The following EEF1G variants were observed in gnomAD, a reference collection of about 807,000 sequenced individuals.
EEF1G encodes eukaryotic translation elongation factor 1 gamma.
Under a neutral mutation model 58.3 loss-of-function variants are expected in EEF1G, and 14 were observed. That is an observed-to-expected ratio of 0.24 (90% CI 0.16 to 0.38). The LOEUF (loss-of-function observed/expected upper bound fraction) is 0.38, where lower values mean the gene tolerates loss of function less well. EEF1G is among the 10% of genes least tolerant of loss of function. The probability of loss-of-function intolerance (pLI) is 1.00; values close to 1 mark genes in which losing one functional copy is unlikely to be tolerated. For synonymous variants in EEF1G, 180 were observed against 206.8 expected, an observed-to-expected ratio of 0.87 and a Z score of 1.11; for missense variants, 322 against 550.1, an observed-to-expected ratio of 0.59 and a Z score of 4.15.
chr11:62,572,546 T>C (rs1255784592), intron 2 of EEF1G, 38 bp downstream of exon 2: 2 of 1,609,950 alleles, frequency 1.2e-6, no homozygotes, highest in Admixed American at 3.3e-5. Flanking sequence ...GGCCTTGGTT[T>C]CTCAGAACCG....
chr11:62,560,888 A>G (rs529150645), intron 7 of EEF1G, among the ~76,000 whole-genome samples: 2 of 152,260 alleles, frequency 1.3e-5, no homozygotes, highest in East Asian at 3.9e-4. Flanking sequence ...AGCAGTGAAC[A>G]TTCTCAAAGG....
chr11:62,562,911 G>A (rs1478915591), intron 7 of EEF1G, among the ~76,000 whole-genome samples: 1 of 151,960 alleles, frequency 6.6e-6, no homozygotes, highest in East Asian at 2.0e-4. Context: ...CTTTCAGCCT[G>A]GGAAATATAG....
At chr11:62,567,592 A>G in intron 5 of EEF1G, 64 bp from the exon 6 acceptor site, 1 of 1,470,440 alleles carries the variant, frequency 6.8e-7, no homozygotes, top group Non-Finnish European at 9.0e-7. Context: ...TGTTCACAGC[A>G]AGAGTCCTTG....
chr11:62,565,927 G>A (rs1331526790), intron 7 of EEF1G, among the ~76,000 whole-genome samples: 1 of 152,182 alleles, frequency 6.6e-6, no homozygotes, highest in Admixed American at 6.5e-5. Context: ...GCCATTACAA[G>A]ATGGGAGAGG....
intron 8 of EEF1G, 26 bp downstream of exon 8, chr11:62,560,256 C>T: frequency 6.2e-7 from 1 of 1,613,938 alleles, no homozygotes; most frequent in East Asian, 2.2e-5. Flanking sequence ...CCTTGTTCTC[C>T]TTCCTTCTCA....
At chr11:62,561,692 AAAAAC>A (rs1366146206) in intron 7 of EEF1G, among the ~76,000 whole-genome samples, 14 of 151,420 alleles carry the variant, frequency 9.2e-5, no homozygotes, top group African/African-American at 3.4e-4. Flanking sequence ...CAAAAAAAAA[AAAAAC>A]AACCAAAAAA....
At chr11:62,570,342 G>T (rs550665911) in intron 5 of EEF1G, among the ~76,000 whole-genome samples, 31 of 152,238 alleles carry the variant, frequency 2.0e-4, no homozygotes, top group African/African-American at 7.2e-4. Context: ...GATTATAGGT[G>T]TTAGACACAG....
chr11:62,569,823 T>A (rs954139141), intron 5 of EEF1G, among the ~76,000 whole-genome samples: 1 of 152,068 alleles, frequency 6.6e-6, no homozygotes, highest in Non-Finnish European at 1.5e-5. Flanking sequence ...TCTTTTGCTA[T>A]GATCACATTA....
chr11:62,562,730 C>T (rs1358402039), intron 7 of EEF1G, among the ~76,000 whole-genome samples: 2 of 152,064 alleles, frequency 1.3e-5, no homozygotes, highest in African/African-American at 2.4e-5. Context: ...CCGCCCGCCT[C>T]GGCCTCCCAA....
At chr11:62,573,560 C>G in intron 1 of EEF1G, 1 of 575,410 alleles carries the variant, frequency 1.7e-6, no homozygotes. Flanking sequence ...AAAGCGGCAA[C>G]AGAGCCGAAC....
At chr11:62,572,464 G>A (rs1196881196) in intron 2 of EEF1G, 120 bp downstream of exon 2, 4 of 1,334,696 alleles carry the variant, frequency 3.0e-6, no homozygotes, top group East Asian at 4.7e-5. Flanking sequence ...TAAAATCACC[G>A]AAATTGAATA....
rs1263820894 is a variant in EEF1G at position 62,573,835 on chromosome 11, G to A, written c.8C>T (p.Ala3Val). Residue 3 changes from alanine (A) to valine (V), a missense_variant, in exon 1 of 10, where the codon GCT becomes GTT. By Grantham distance (64) the Ala-to-Val change is moderately conservative. Transcript: ENST00000329251. MA[A>V]GTLYTYPENW... Reference sequence around the variant, plus strand: ...CACCAGAGCCAGCAAACTTACCCCAGCCGCCATGGTGATTCCGCAAAGAAA... The same window carrying A: ...CACCAGAGCCAGCAAACTTACCCCAACCGCCATGGTGATTCCGCAAAGAAA... 24 of 1,613,728 alleles carry A rather than the reference G, an allele frequency of 1.5e-5. No individual in the cohort carries two copies. Among genetic ancestry groups the A allele is most frequent in the Non-Finnish European group, 1.8e-5 (21 of 1,179,848 alleles).
chr11:62,560,275 C>T lies in EEF1G; in HGVS notation c.1030+7G>A. 6.2e-7 allele frequency: 1 copy of T among 1,613,816 alleles called. No homozygotes were observed. The highest frequency in any genetic ancestry group is 8.5e-7 in the Non-Finnish European group (1 of 1,179,796). On this transcript the variant is annotated splice_region_variant and intron_variant, in intron 8 of 9. Coordinates refer to ENST00000329251, the MANE Select transcript of EEF1G (RefSeq NM_001404.5). ...GTTCTCCTTCCTTCTCAGACCCACT[C>T]TCTTACCAGTGATGAGATTGCAGCT... is the stretch of plus-strand genomic sequence containing the variant.
At chr11:62,560,864 G>T (rs567742081) in intron 7 of EEF1G, among the ~76,000 whole-genome samples, 1 of 152,234 alleles carries the variant, frequency 6.6e-6, no homozygotes, top group Non-Finnish European at 1.5e-5. Context: ...TACACAAGCT[G>T]TAACAGGAAT....
intron 4 of EEF1G, among the ~76,000 whole-genome samples, 190 bp from the exon 5 acceptor site, chr11:62,571,298 C>T (rs1195901906): frequency 6.6e-6 from 1 of 152,148 alleles, no homozygotes; most frequent in African/African-American, 2.4e-5. Flanking sequence ...TCCTCTGGTC[C>T]AGCCACCCCC....
At chr11:62,565,821 A>G (rs1941549035) in intron 7 of EEF1G, among the ~76,000 whole-genome samples, 1 of 152,188 alleles carries the variant, frequency 6.6e-6, no homozygotes. Flanking sequence ...AGTTGCTCCC[A>G]TCTATTAGTG....
chr11:62,564,499 A>G (rs1346439737), intron 7 of EEF1G, among the ~76,000 whole-genome samples: 2 of 150,698 alleles, frequency 1.3e-5, no homozygotes, highest in African/African-American at 4.9e-5. Flanking sequence ...GCAGTGGCTC[A>G]TATCTGTAAT....
intron 7 of EEF1G, 38 bp downstream of exon 7, chr11:62,566,768 T>C (rs771536132): frequency 1.2e-6 from 2 of 1,602,402 alleles, no homozygotes; most frequent in Non-Finnish European, 1.7e-6. Flanking sequence ...GAACAGGCCT[T>C]CTTTGGTCCC....
intron 7 of EEF1G, among the ~76,000 whole-genome samples, chr11:62,561,378 TG>T (rs548165668): frequency 9.4e-5 from 13 of 137,664 alleles, no homozygotes; most frequent in African/African-American, 3.6e-4. Context: ...GAGTCCTGTC[TG>T]GGGGGAAAAA....
Sources: gnomAD v4.1 joint callset for allele counts (sites outside exome capture counted in the v4.1 genomes callset) on GRCh38, gnomAD v4.1.1 for gene constraint, MANE v1.5 for transcripts, NCBI Gene and HGNC (gene_info 2026-07-23, HGNC 2026-07-21) for gene names.